The following KLHL18 variants were observed in gnomAD, a reference collection of about 807,000 sequenced individuals.
KLHL18 encodes the protein kelch-like protein 18.
A neutral mutation model predicts 58.5 loss-of-function variants in KLHL18; 38 were observed. The ratio of observed to expected loss-of-function variants is 0.65; its 90% CI spans 0.50 to 0.85. The LOEUF (loss-of-function observed/expected upper bound fraction) is 0.85, where lower values mean the gene tolerates loss of function less well. KLHL18 is among the 40% of genes least tolerant of loss of function. KLHL18 has a pLI of 0.00. For synonymous variants in KLHL18, 303 were observed against 301.9 expected, an observed-to-expected ratio of 1.00 and a Z score of -0.04; for missense variants, 624 against 778.4, an observed-to-expected ratio of 0.80 and a Z score of 2.36.
At chr3:47,313,004 G>T (rs1703339031) in intron 1 of KLHL18, among the ~76,000 whole-genome samples, 3 of 149,394 alleles carry the variant, frequency 2.0e-5, no homozygotes, top group Non-Finnish European at 4.4e-5. Context: ...CCGCCTCCCA[G>T]GTTCACGCCA....
intron 1 of KLHL18, among the ~76,000 whole-genome samples, chr3:47,294,384 A>G (rs1245773045): frequency 1.3e-5 from 2 of 152,222 alleles, no homozygotes; most frequent in African/African-American, 4.8e-5. Flanking sequence ...CTAGTGGAGT[A>G]GCAGACAATA....
chr3:47,342,922 C>A (rs1704141539), intron 9 of KLHL18, 92 bp downstream of exon 9: 4 of 933,742 alleles, frequency 4.3e-6, no homozygotes, highest in Admixed American at 4.1e-5. Context: ...TTCAGCCTTG[C>A]CACAGCTGAA....
intron 3 of KLHL18, among the ~76,000 whole-genome samples, chr3:47,329,006 G>A (rs991824834): frequency 6.6e-6 from 1 of 151,942 alleles, no homozygotes; most frequent in Admixed American, 6.6e-5. Flanking sequence ...GGTGGCACCT[G>A]TAGTCCCAGC....
chr3:47,317,300 G>A (rs1559496217), intron 1 of KLHL18, among the ~76,000 whole-genome samples: 1 of 152,086 alleles, frequency 6.6e-6, no homozygotes. Flanking sequence ...TTTTAGTAGA[G>A]ACGGGGTTTC....
At chr3:47,336,972 C>A in intron 7 of KLHL18, 1 of 562,528 alleles carries the variant, frequency 1.8e-6, no homozygotes, top group Non-Finnish European at 3.2e-6. Context: ...TTGGGGAGAC[C>A]AGGCATGGAC....
intron 2 of KLHL18, among the ~76,000 whole-genome samples, chr3:47,322,109 C>T (rs1703603312): frequency 6.6e-6 from 1 of 152,048 alleles, no homozygotes; most frequent in Non-Finnish European, 1.5e-5. Context: ...CAAAAACGTT[C>T]TAACAGCAAT....
chr3:47,328,395 T>G (rs570794214), intron 3 of KLHL18, among the ~76,000 whole-genome samples: 6 of 151,962 alleles, frequency 3.9e-5, no homozygotes, highest in Admixed American at 3.9e-4. Flanking sequence ...AATAAAAAAT[T>G]AAGACAGCCA....
Position 47,335,274 on chromosome 3 carries a change from G to A in KLHL18, c.898+455G>A, listed in dbSNP as rs570522218. On this transcript the variant is annotated intron_variant, in intron 6 of 9. Coordinates refer to ENST00000232766, the MANE Select transcript of KLHL18 (RefSeq NM_025010.5). ...CACATTTTGTCATATGGATCTCTGGGGTTAGACTGAGAAAGTCCCCAAGAG... is the reference window on the plus strand; with the variant it reads ...CACATTTTGTCATATGGATCTCTGGAGTTAGACTGAGAAAGTCCCCAAGAG... Among the ~76,000 whole-genome samples, 23 of 152,200 alleles carry A rather than the reference G, an allele frequency of 1.5e-4. 1 individual carries two copies. Among genetic ancestry groups the A allele is most frequent in the Non-Finnish European group, 1.5e-5 (1 of 68,016 alleles).
Position 47,333,193 on chromosome 3 carries a change from C to T in KLHL18, c.637C>T (p.Arg213Trp), listed in dbSNP as rs770560955. The T allele has an allele frequency of 3.7e-6, 6 of 1,613,902 alleles. No homozygotes were observed. Among genetic ancestry groups the T allele is most frequent in the Admixed American group, 1.7e-5 (1 of 59,986 alleles). Residue 213 changes from arginine (R) to tryptophan (W), a missense_variant, in exon 5 of 10, where the codon CGG becomes TGG. Arg to Trp is a moderately radical substitution (Grantham distance 101). Coordinates refer to ENST00000232766, the MANE Select transcript of KLHL18 (RefSeq NM_025010.5). ...TGCATTGGCCTGGGTCAGATACGAC[C>T]GGGAGCAGAGGGGTCCCTACCTGCC... ...EAALAWVRYD[R>W]EQRGPYLPEL...
chr3:47,325,214 T>A (rs1703687534), intron 3 of KLHL18, among the ~76,000 whole-genome samples: 1 of 152,096 alleles, frequency 6.6e-6, no homozygotes, highest in Non-Finnish European at 1.5e-5. Flanking sequence ...CCTTGCTCTG[T>A]GAGACAGAGT....
intron 1 of KLHL18, among the ~76,000 whole-genome samples, chr3:47,285,025 G>A (rs1232851936): frequency 1.3e-5 from 2 of 151,968 alleles, no homozygotes; most frequent in African/African-American, 4.8e-5. Flanking sequence ...GTTTCACTAC[G>A]TTAGCCAGAC....
At chr3:47,308,763 ATTG>A (rs1396965316) in intron 1 of KLHL18, among the ~76,000 whole-genome samples, 2 of 148,370 alleles carry the variant, frequency 1.3e-5, no homozygotes, top group Non-Finnish European at 3.0e-5. Context: ...CTCAGTGTCT[ATTG>A]TTGCCATCTT....
intron 3 of KLHL18, among the ~76,000 whole-genome samples, chr3:47,324,294 CTTTCTTTTTT>C (rs1249894179): frequency 9.4e-5 from 1 of 10,606 alleles, no homozygotes; most frequent in Non-Finnish European, 2.8e-4. Context: ...CTTTTTCTTT[CTTTCTTTTTT>C]TTTTTTTTTT....
intron 4 of KLHL18, among the ~76,000 whole-genome samples, chr3:47,332,920 A>G (rs951331505): frequency 2.0e-5 from 3 of 152,300 alleles, no homozygotes; most frequent in South Asian, 2.1e-4. Flanking sequence ...ACAGAAAGTA[A>G]TAAGATGCCA....
At chr3:47,330,223 AT>A in intron 4 of KLHL18, 74 bp downstream of exon 4, 13 of 1,375,068 alleles carry the variant, frequency 9.5e-6, no homozygotes, top group Non-Finnish European at 1.1e-5. Context: ...TTGTTTATGT[AT>A]TTTTTTACAA....
At chr3:47,301,270 G>T (rs1703019804) in intron 1 of KLHL18, among the ~76,000 whole-genome samples, 1 of 151,600 alleles carries the variant, frequency 6.6e-6, no homozygotes, top group Non-Finnish European at 1.5e-5. Context: ...TGTGCTTTTG[G>T]TCTCATGTCT....
Position 47,283,100 on chromosome 3 carries a change from G to C in KLHL18, c.129+6G>C, listed in dbSNP as rs758814247. The C allele has an allele frequency of 5.7e-6, 9 of 1,570,048 alleles. No homozygotes were observed. The highest frequency in any genetic ancestry group is 1.9e-5 in the Admixed American group (1 of 52,804). On this transcript the variant is annotated splice_donor_region_variant and intron_variant, in intron 1 of 9. Transcript: ENST00000232766. ...TGTGCGACGTGACCCTCAAGGTACC[G>C]CGGACTGGGCGGCAGCGGGCTGAGG...
chr3:47,308,579 C>T (rs973776822), intron 1 of KLHL18, among the ~76,000 whole-genome samples: 30 of 152,024 alleles, frequency 2.0e-4, no homozygotes, highest in African/African-American at 5.1e-4. Context: ...TTAGTAGAGA[C>T]GGGGTTTCAC....
At chr3:47,288,220 CAAAAAAAAA>C (rs768468646) in intron 1 of KLHL18, among the ~76,000 whole-genome samples, 2 of 44,636 alleles carry the variant, frequency 4.5e-5, no homozygotes, top group Admixed American at 2.5e-4. Flanking sequence ...ACTCTGTCTC[CAAAAAAAAA>C]AAAAAAAAAA....
Sources: gnomAD v4.1 joint callset for allele counts (sites outside exome capture counted in the v4.1 genomes callset) on GRCh38, gnomAD v4.1.1 for gene constraint, MANE v1.5 for transcripts, NCBI Gene and HGNC (gene_info 2026-07-23, HGNC 2026-07-21) for gene names.